The following IWS1 variants were observed in gnomAD, a reference collection of about 807,000 sequenced individuals.
The protein encoded by IWS1 is interacts with SUPT6H, CTD assembly factor 1.
IWS1 carries 27 observed loss-of-function variants against 86.7 expected under a neutral mutation model. The ratio of observed to expected loss-of-function variants is 0.31; its 90% CI spans 0.23 to 0.43. The LOEUF is 0.43. IWS1 is among the 20% of genes least tolerant of loss of function. IWS1 has a pLI of 1.00. For synonymous variants in IWS1, 313 were observed against 335.1 expected, an observed-to-expected ratio of 0.93 and a Z score of 0.72; for missense variants, 827 against 1,000.8, an observed-to-expected ratio of 0.83 and a Z score of 2.34.
Position 127,492,074 on chromosome 2 carries a change from G to A in IWS1, c.1944C>T (p.Ser648=). Residue 648 remains serine, a synonymous_variant, in exon 10 of 14, where the codon AGC becomes AGT. Transcript: ENST00000295321. ...TCCCACTATGCTTCAGGGTCTCCTG[G>A]CTCACACTAGGCAGCTGGGGAACAT... is the stretch of plus-strand genomic sequence containing the variant. ...LKILQELPSV[S]QETLKHSGIG... 1.9e-6 allele frequency: 3 copies of A among 1,612,708 alleles called. No individual in the cohort carries two copies. The highest frequency in any genetic ancestry group is 2.5e-6 in the Non-Finnish European group (3 of 1,178,760).
chr2:127,492,143 G>C (rs1690259780), intron 9 of IWS1, 55 bp from the exon 10 acceptor site: 1 of 1,139,812 alleles, frequency 8.8e-7, no homozygotes, highest in African/African-American at 1.5e-5. Flanking sequence ...TGGGGGTCTT[G>C]CTAGTCTATT....
At chr2:127,522,592 G>C (rs934633873) in intron 2 of IWS1, among the ~76,000 whole-genome samples, 1 of 152,218 alleles carries the variant, frequency 6.6e-6, no homozygotes, top group Non-Finnish European at 1.5e-5. Flanking sequence ...TAATGTTGCT[G>C]TCAAAGGACA....
Position 127,504,849 on chromosome 2 carries a change from C to G in IWS1, c.1054G>C (p.Asp352His). Residue 352 changes from aspartate (D) to histidine (H), a missense_variant, in exon 3 of 14, where the codon GAC becomes CAC. By Grantham distance (81) the Asp-to-His change is moderately conservative. This residue lies in a region of IWS1 where 548 missense variants were observed against 560.2 expected (regional missense o/e 0.98). Transcript: ENST00000295321. ...TEMQNDSFHSDSHMDRKKFHS... is the reference protein window; with the variant it reads ...TEMQNDSFHSHSHMDRKKFHS... ...AACTTTTTTCTGTCCATATGGCTGT[C>G]TGAATGGAAGGAGTCATTCTGCATT... 1 of 1,614,190 alleles carries G rather than the reference C, an allele frequency of 6.2e-7. No individual in the cohort carries two copies. The highest frequency in any genetic ancestry group is 2.2e-5 in the East Asian group (1 of 44,878).
At position 127,480,909 on chromosome 2, in the gene IWS1, G is replaced by T; in HGVS notation, c.*135C>A. ...GGTTTTAAATATAACTGAGAGAAAT[G>T]TGAGTCCTATGACAACATCTGATAC... On this transcript the variant is annotated 3_prime_UTR_variant, in exon 14 of 14. Transcript: ENST00000295321. 1 of 891,960 alleles carries T rather than the reference G, an allele frequency of 1.1e-6. No individual in the cohort carries two copies. The highest frequency in any genetic ancestry group is 1.7e-6 in the Non-Finnish European group (1 of 594,954). The allele number at this position is 891,960 out of a possible 1,614,324, so 55.3% of individuals were successfully genotyped here. A position where few individuals can be genotyped will look rare whatever the true frequency, so the allele number is the denominator to read the frequency against.
At chr2:127,498,356 G>A (rs990797363) in intron 5 of IWS1, 119 bp from the exon 6 acceptor site, 1 of 915,450 alleles carries the variant, frequency 1.1e-6, no homozygotes, top group African/African-American at 1.7e-5. Flanking sequence ...GATATCAAAA[G>A]GTACATAACA....
At chr2:127,488,940 C>G (rs1690072016) in intron 12 of IWS1, among the ~76,000 whole-genome samples, 1 of 152,128 alleles carries the variant, frequency 6.6e-6, no homozygotes, top group Non-Finnish European at 1.5e-5. Context: ...TCTCAGAGCA[C>G]AACAAGGAGT....
At chr2:127,512,107 C>T (rs780207520) in intron 2 of IWS1, among the ~76,000 whole-genome samples, 1 of 152,190 alleles carries the variant, frequency 6.6e-6, no homozygotes, top group Non-Finnish European at 1.5e-5. Flanking sequence ...CTCAATGTCT[C>T]ACACTCCATT....
chr2:127,491,130 A>T (rs1394980023), intron 10 of IWS1, among the ~76,000 whole-genome samples: 1 of 152,220 alleles, frequency 6.6e-6, no homozygotes, highest in Non-Finnish European at 1.5e-5. Context: ...GGCATCATTA[A>T]ATAAGAACAT....
At chr2:127,514,185 C>T (rs1341164497) in intron 2 of IWS1, 1 of 154,370 alleles carries the variant, frequency 6.5e-6, no homozygotes, top group Non-Finnish European at 1.5e-5. Flanking sequence ...TGGGGACAAC[C>T]CACCTTTGGA....
In IWS1 at chr2:127,489,845, G is replaced by A. The variant is rs1254694043; in HGVS notation, c.2146C>T (p.Arg716Ter). Residue 716 changes from arginine to a stop codon, truncating the protein, a stop_gained, in exon 11 of 14, where the codon CGA (arginine) becomes TGA (stop). Coordinates refer to ENST00000295321, the MANE Select transcript of IWS1 (RefSeq NM_017969.3). LOFTEE classifies it high-confidence loss of function. This position sits in a 1 kb window ranked among gnomAD's most constrained non-coding sequence, Gnocchi z 4.8. Reference protein sequence around the residue: ...QRDLEQMPQRRRMNSTGGQTP... With the variant: ...QRDLEQMPQR ...GTTCCCTCATACCTGTTCATTCTTCGTCGTTGAGGCATCTGTTCTAGATCT... is the reference window on the plus strand; with the variant it reads ...GTTCCCTCATACCTGTTCATTCTTCATCGTTGAGGCATCTGTTCTAGATCT... 1.3e-6 allele frequency: 2 copies of A among 1,597,058 alleles called. No homozygotes were observed. Among genetic ancestry groups the A allele is most frequent in the Admixed American group, 1.7e-5 (1 of 59,970 alleles).
chr2:127,481,613 A>G (rs1689633526), intron 13 of IWS1, among the ~76,000 whole-genome samples: 1 of 152,212 alleles, frequency 6.6e-6, no homozygotes, highest in South Asian at 2.1e-4. Flanking sequence ...GTCAGCTGAG[A>G]AAAAGCCTTA....
chr2:127,523,529 TCAAGCGG>T, intron 2 of IWS1, 140 bp downstream of exon 2: 1 of 560,140 alleles, frequency 1.8e-6, no homozygotes, highest in African/African-American at 1.9e-5. Flanking sequence ...TATTTATTTT[TCAAGCGG>T]TTTTCTATTA....
chr2:127,491,787 T>C (rs1690239821), intron 10 of IWS1, among the ~76,000 whole-genome samples, 184 bp downstream of exon 10: 1 of 152,154 alleles, frequency 6.6e-6, no homozygotes, highest in Non-Finnish European at 1.5e-5. Context: ...CTTAATTATA[T>C]TGAGGTTTTT....
intron 2 of IWS1, among the ~76,000 whole-genome samples, chr2:127,507,231 C>A (rs1403903418): frequency 6.6e-6 from 1 of 152,074 alleles, no homozygotes; most frequent in Admixed American, 6.5e-5. Context: ...CTTTTACTAA[C>A]CCAAGTATGC....
intron 13 of IWS1, among the ~76,000 whole-genome samples, chr2:127,485,108 GGA>G (rs748897338): frequency 5.3e-5 from 8 of 151,936 alleles, no homozygotes; most frequent in Non-Finnish European, 8.8e-5. Context: ...GAAAGAGGAG[GGA>G]GAGAGAGAGG....
At chr2:127,515,888 A>G (rs1310324613) in intron 2 of IWS1, among the ~76,000 whole-genome samples, 2 of 152,178 alleles carry the variant, frequency 1.3e-5, no homozygotes, top group Non-Finnish European at 2.9e-5. Context: ...GGGCATCAGC[A>G]TCTCTCATCC....
rs1048676541 is a variant in IWS1 at position 127,499,482 on chromosome 2, C to T, written c.1468-1245G>A. Among the ~76,000 whole-genome samples the T allele has an allele frequency of 2.6e-5, 4 of 152,078 alleles. No homozygotes were observed. Among genetic ancestry groups the T allele is most frequent in the Admixed American group, 2.6e-4 (4 of 15,264 alleles). The stretch of plus-strand genomic sequence containing the variant: ...CTTAGAGGCTTTCTCAATGGTTCAC[C>T]TAGTACAATTTTTTTCTAACTGAAC... On this transcript the variant is annotated intron_variant, in intron 5 of 13. Coordinates refer to ENST00000295321, the MANE Select transcript of IWS1 (RefSeq NM_017969.3). This position sits in a 1 kb window ranked among gnomAD's most constrained non-coding sequence, Gnocchi z 4.0.
In IWS1 at chr2:127,503,562, G is replaced by A. The variant is rs368119648; in HGVS notation, c.1234C>T (p.Arg412Cys). The change falls in exon 4 of 14, where the codon CGT (arginine) becomes TGT (cysteine). Residue 412 changes from arginine (R) to cysteine (C), a missense_variant. Coordinates refer to ENST00000295321, the MANE Select transcript of IWS1 (RefSeq NM_017969.3). ...GAGTCATCTGCATCAGAGACAACAC[G>A]ACTCTTCTTTGCTGCTGTTGAAAAA... ...DEEKASAKKS[R>C]VVSDADDSDS... 2.0e-5 allele frequency: 31 copies of A among 1,586,652 alleles called. No individual in the cohort carries two copies. In the African/African-American group the frequency reaches 2.7e-4, roughly 14 times the overall value.
chr2:127,500,037 G>A (rs1690721581), intron 5 of IWS1, among the ~76,000 whole-genome samples: 1 of 152,110 alleles, frequency 6.6e-6, no homozygotes, highest in Non-Finnish European at 1.5e-5. Context: ...GTATCTTCAC[G>A]ACCTTGGGGA....
Sources: allele counts gnomAD v4.1 joint callset (sites outside exome capture counted in the v4.1 genomes callset), GRCh38; gene constraint gnomAD v4.1.1; regional missense constraint gnomAD v4.1.1; non-coding constraint Gnocchi (gnomAD v3.1); transcripts MANE v1.5; gene names NCBI Gene and HGNC (gene_info 2026-07-23, HGNC 2026-07-21).